The following ZNG1A variants were observed in gnomAD, a reference collection of about 807,000 sequenced individuals.
ZNG1A encodes the protein Zn regulated GTPase metalloprotein activator 1A.
the ZNG1A span, among the ~76,000 whole-genome samples, chr9:159,360 T>C: frequency 6.7e-6 from 1 of 149,376 alleles, no homozygotes; most frequent in East Asian, 1.9e-4. Flanking sequence ...CATGGAGAGC[T>C]AATTACAGCA....
At chr9:130,189 T>C in the ZNG1A span, among the ~76,000 whole-genome samples, 1 of 149,892 alleles carries the variant, frequency 6.7e-6, no homozygotes, top group African/African-American at 2.5e-5. Context: ...TAGCATAAGG[T>C]AATAATAATA....
the ZNG1A span, chr9:156,349 C>A: frequency 1.0e-5 from 13 of 1,289,940 alleles, no homozygotes; most frequent in Non-Finnish European, 1.4e-5. Context: ...AATAATTCAA[C>A]TAAGGGAAAA....
At chr9:137,500 T>C in the ZNG1A span, among the ~76,000 whole-genome samples, 1 of 152,126 alleles carries the variant, frequency 6.6e-6, no homozygotes, top group South Asian at 2.1e-4. Flanking sequence ...AATACAGTTC[T>C]AATCCAGACA....
the ZNG1A span, among the ~76,000 whole-genome samples, chr9:143,340 T>C: frequency 3.4e-5 from 5 of 145,790 alleles, no homozygotes; most frequent in African/African-American, 1.0e-4. Context: ...AAAAAGCTTA[T>C]CCACCATGAT....
At chr9:169,364 G>A in the ZNG1A span, among the ~76,000 whole-genome samples, 1 of 147,518 alleles carries the variant, frequency 6.8e-6, no homozygotes, top group East Asian at 2.0e-4. Flanking sequence ...CTAATGAGAA[G>A]TTGTTTCTTA....
the ZNG1A span, chr9:147,933 G>A: frequency 2.0e-5 from 3 of 151,418 alleles, no homozygotes; most frequent in African/African-American, 7.3e-5. Flanking sequence ...GGTGAAGCAG[G>A]AGAATCGCCT....
the ZNG1A span, chr9:164,033 T>C: frequency 6.3e-6 from 10 of 1,587,612 alleles, no homozygotes; most frequent in South Asian, 1.2e-5. Context: ...TAGAAGCCAC[T>C]GCACCTGAAA....
At chr9:146,158 T>A in the ZNG1A span, 1 of 1,572,520 alleles carries the variant, frequency 6.4e-7, no homozygotes, top group African/African-American at 1.4e-5. Flanking sequence ...AGAGATCAAC[T>A]CTAAAAGGAA....
the ZNG1A span, among the ~76,000 whole-genome samples, chr9:139,590 C>A: frequency 6.6e-6 from 1 of 152,020 alleles, no homozygotes; most frequent in Non-Finnish European, 1.5e-5. Flanking sequence ...CCCTCCCTTA[C>A]CAAAAAGATT....
chr9:122,676 T>A, the ZNG1A span: 2 of 955,704 alleles, frequency 2.1e-6, no homozygotes, highest in Non-Finnish European at 2.5e-6. Context: ...ATATTCTTAA[T>A]TTACCAAAAA....
At chr9:129,714 A>G in the ZNG1A span, among the ~76,000 whole-genome samples, 10 of 150,874 alleles carry the variant, frequency 6.6e-5, 1 homozygote, top group African/African-American at 2.5e-4. Flanking sequence ...CAGTCATGCA[A>G]GATGAAAAGG....
At chr9:127,676 T>G in the ZNG1A span, among the ~76,000 whole-genome samples, 1 of 152,044 alleles carries the variant, frequency 6.6e-6, no homozygotes, top group South Asian at 2.1e-4. Flanking sequence ...GCCATTTATA[T>G]TCAATGTTAG....
At chr9:171,852 T>C in the ZNG1A span, 8 of 577,626 alleles carry the variant, frequency 1.4e-5, no homozygotes, top group South Asian at 1.7e-4. Flanking sequence ...AGTCAATCAA[T>C]AAAACTTCAA....
the ZNG1A span, among the ~76,000 whole-genome samples, chr9:124,082 T>C: frequency 6.6e-6 from 1 of 152,332 alleles, no homozygotes; most frequent in African/African-American, 2.4e-5. Context: ...TAATGCCCTC[T>C]TTGGCTTTAG....
the ZNG1A span, among the ~76,000 whole-genome samples, chr9:173,922 C>T: frequency 5.9e-5 from 9 of 151,616 alleles, no homozygotes; most frequent in Non-Finnish European, 8.8e-5. Flanking sequence ...CCAAGGCGGG[C>T]GGATCACGAG....
At chr9:176,920 G>A in the ZNG1A span, among the ~76,000 whole-genome samples, 1 of 152,078 alleles carries the variant, frequency 6.6e-6, no homozygotes, top group Non-Finnish European at 1.5e-5. Context: ...GGGCCTTGGT[G>A]AAAAAGTGAA....
the ZNG1A span, among the ~76,000 whole-genome samples, chr9:129,715 G>C: frequency 6.0e-5 from 9 of 150,694 alleles, no homozygotes; most frequent in African/African-American, 2.0e-4. Context: ...AGTCATGCAA[G>C]ATGAAAAGGT....
At chr9:153,125 A>G in the ZNG1A span, 1 of 150,766 alleles carries the variant, frequency 6.6e-6, no homozygotes, top group Non-Finnish European at 1.5e-5. Context: ...TCAGAGATTT[A>G]GCTTAGGTCT....
chr9:121,394 T>A, the ZNG1A span: 1 of 904,752 alleles, frequency 1.1e-6, no homozygotes, highest in South Asian at 1.4e-5. Flanking sequence ...AAGTAATAAA[T>A]AAATGCTTGA....
Sources: gnomAD v4.1 joint callset for allele counts (sites outside exome capture counted in the v4.1 genomes callset) on GRCh38, gnomAD v4.1.1 for gene constraint, MANE v1.5 for transcripts, NCBI Gene and HGNC (gene_info 2026-07-23, HGNC 2026-07-21) for gene names.